The following WDR93 variants were observed in gnomAD, a reference collection of about 807,000 sequenced individuals.
The protein encoded by WDR93 is WD repeat-containing protein 93.
WDR93 carries 73 observed loss-of-function variants against 82.9 expected under a neutral mutation model. That is an observed-to-expected ratio of 0.88 (90% CI 0.73 to 1.07). The LOEUF is 1.07. Ranked by LOEUF, WDR93 falls within the 50% of genes least tolerant of loss-of-function variation. The probability of loss-of-function intolerance (pLI) is 0.00; values close to 1 mark genes in which losing one functional copy is unlikely to be tolerated. For synonymous variants in WDR93, 283 were observed against 300.1 expected (o/e 0.94, Z 0.59); for missense variants, 738 against 826.0 (o/e 0.89, Z 1.31).
At chr15:89,705,484 A>G (rs1250311678) in intron 3 of WDR93, 70 bp from the exon 4 acceptor site, 3 of 944,024 alleles carry the variant, frequency 3.2e-6, no homozygotes, top group East Asian at 2.4e-5. Context: ...ACAAAGTCCA[A>G]TATAAAATTT....
chr15:89,694,095 C>T (rs968240294), intron 1 of WDR93, among the ~76,000 whole-genome samples: 62 of 152,076 alleles, frequency 4.1e-4, no homozygotes, highest in African/African-American at 1.5e-3. Context: ...TTTTAATATA[C>T]GTGTAGTGGT....
intron 4 of WDR93, among the ~76,000 whole-genome samples, chr15:89,709,034 G>A (rs4353458): frequency 8.5e-5 from 13 of 152,158 alleles, no homozygotes; most frequent in African/African-American, 2.9e-4. Context: ...GCAGCCGTCC[G>A]GTGCAGGGAG....
At chr15:89,739,107 C>T (rs1967447086) in intron 16 of WDR93, among the ~76,000 whole-genome samples, 1 of 127,174 alleles carries the variant, frequency 7.9e-6, no homozygotes, top group Admixed American at 7.6e-5. Context: ...CAGAGTCAGA[C>T]CCTGCCTCAA....
intron 4 of WDR93, among the ~76,000 whole-genome samples, chr15:89,709,200 A>G (rs1299806749): frequency 6.6e-6 from 1 of 152,244 alleles, no homozygotes; most frequent in Non-Finnish European, 1.5e-5. Context: ...AAGGTCAACA[A>G]CTGCAACTTC....
intron 6 of WDR93, among the ~76,000 whole-genome samples, chr15:89,716,372 T>C (rs1329035694): frequency 6.6e-6 from 1 of 152,224 alleles, no homozygotes; most frequent in African/African-American, 2.4e-5. Flanking sequence ...ACAAATTCCA[T>C]AGTATCATAC....
intron 8 of WDR93, 148 bp downstream of exon 8, chr15:89,722,287 C>A: frequency 1.6e-6 from 1 of 608,268 alleles, no homozygotes; most frequent in Non-Finnish European, 2.8e-6. Flanking sequence ...AACCCATAAG[C>A]TCTGAGACAT....
chr15:89,738,290 G>A, intron 16 of WDR93, 54 bp downstream of exon 16: 5 of 1,510,982 alleles, frequency 3.3e-6, no homozygotes, highest in Admixed American at 2.2e-5. Flanking sequence ...TCTCTGGATT[G>A]AGGGATAGTG....
Position 89,735,541 on chromosome 15 carries a change from C to G in WDR93, c.1596C>G (p.Ala532=), listed in dbSNP as rs1967097039. 3 of 1,614,052 alleles carry G rather than the reference C, an allele frequency of 1.9e-6. No individual in the cohort carries two copies. The highest frequency in any genetic ancestry group is 1.7e-6 in the Non-Finnish European group (2 of 1,180,030). Residue 532 remains alanine (A), a synonymous_variant, in exon 14 of 17, where the codon GCC becomes GCG. Coordinates refer to ENST00000268130, the MANE Select transcript of WDR93 (RefSeq NM_020212.2). The part of the protein sequence containing the change: ...KTICAVAPVP[A]LPGMVLIFSK... ...TCTGTGCCGTGGCCCCAGTCCCAGCCTTACCTGGCATGGTAGGTTCCCCAT... is the reference window on the plus strand; with the variant it reads ...TCTGTGCCGTGGCCCCAGTCCCAGCGTTACCTGGCATGGTAGGTTCCCCAT...
chr15:89,698,888 T>C (rs1410443739), intron 1 of WDR93, among the ~76,000 whole-genome samples: 2 of 152,178 alleles, frequency 1.3e-5, no homozygotes, highest in African/African-American at 2.4e-5. Context: ...CATTTTATTT[T>C]ATTTATTTAA....
rs1965126618 is a variant in WDR93 at position 89,695,545 on chromosome 15, AGTTCAT to A, written c.-41+4692_-41+4697del. ...TCTTTTGTCAGATTTATCCCTAAGT[AGTTCAT>A]GTTTTTGATACTGTTGTAAATGGTA... On this transcript the variant is annotated intron_variant, in intron 1 of 16. Transcript: ENST00000268130. 2.0e-5 allele frequency among the ~76,000 whole-genome samples: 3 copies of A among 152,284 alleles called. No individual in the cohort carries two copies. In the South Asian group the frequency reaches 6.2e-4, roughly 32 times the overall value.
chr15:89,724,669 CA>C (rs957702838), intron 8 of WDR93, among the ~76,000 whole-genome samples: 2 of 151,518 alleles, frequency 1.3e-5, no homozygotes, highest in South Asian at 2.1e-4. Flanking sequence ...AGGCTATTCA[CA>C]AAAAAAAGAT....
At chr15:89,742,023 T>C (rs767808991) in intron 16 of WDR93, among the ~76,000 whole-genome samples, 11 of 152,114 alleles carry the variant, frequency 7.2e-5, no homozygotes, top group Non-Finnish European at 1.3e-4. Flanking sequence ...AGTGCTGGGA[T>C]TACAGGCATG....
intron 2 of WDR93, among the ~76,000 whole-genome samples, chr15:89,702,438 ATTTG>A (rs922502030): frequency 2.0e-5 from 3 of 152,060 alleles, no homozygotes; most frequent in African/African-American, 4.8e-5. Context: ...TTCTCAACTT[ATTTG>A]TTTTTCTCTA....
chr15:89,737,459 G>A, intron 14 of WDR93, 114 bp from the exon 15 acceptor site: 1 of 1,384,720 alleles, frequency 7.2e-7, no homozygotes, highest in Non-Finnish European at 9.9e-7. Flanking sequence ...TGGGGCCCAA[G>A]AGGTTTTATG....
At chr15:89,695,157 GA>G (rs35267350) in intron 1 of WDR93, among the ~76,000 whole-genome samples, 18 of 147,612 alleles carry the variant, frequency 1.2e-4, no homozygotes, top group African/African-American at 2.7e-4. Context: ...TTAATTTCTG[GA>G]AAAAAAAAAG....
intron 16 of WDR93, among the ~76,000 whole-genome samples, chr15:89,740,082 A>G (rs1030347946): frequency 6.6e-6 from 1 of 152,182 alleles, no homozygotes; most frequent in African/African-American, 2.4e-5. Flanking sequence ...CATTTTAATG[A>G]TGCCTGATTT....
intron 1 of WDR93, among the ~76,000 whole-genome samples, chr15:89,700,129 A>G (rs1965383020): frequency 6.6e-6 from 1 of 152,202 alleles, no homozygotes; most frequent in Non-Finnish European, 1.5e-5. Flanking sequence ...ATGGGTGACA[A>G]CAGAGGAGCA....
chr15:89,691,667 C>T (rs8038150), intron 1 of WDR93, among the ~76,000 whole-genome samples: 97,529 of 152,006 alleles, frequency 0.64, 32,031 homozygotes, highest in Non-Finnish European at 0.71. Flanking sequence ...TGGCAGTGAG[C>T]CGAGATTGTG....
At chr15:89,743,234 G>C in intron 16 of WDR93, 58 bp from the exon 17 acceptor site, 1 of 1,577,010 alleles carries the variant, frequency 6.3e-7, no homozygotes, top group Non-Finnish European at 8.7e-7. Flanking sequence ...TGCCCTGGGG[G>C]CTCGGGAGCT....
Sources: allele counts gnomAD v4.1 joint callset (sites outside exome capture counted in the v4.1 genomes callset), GRCh38; gene constraint gnomAD v4.1.1; transcripts MANE v1.5; gene names NCBI Gene and HGNC (gene_info 2026-07-23, HGNC 2026-07-21).